The following LOC400499 variants were observed in gnomAD, a reference collection of about 807,000 sequenced individuals.
At chr16:11,490,688 G>T in the LOC400499 span, among the ~76,000 whole-genome samples, 4 of 152,180 alleles carry the variant, frequency 2.6e-5, no homozygotes, top group African/African-American at 9.7e-5. Flanking sequence ...GTGACAGAGC[G>T]AGACTCCGTC....
At chr16:11,504,986 T>C in the LOC400499 span, among the ~76,000 whole-genome samples, 1 of 152,118 alleles carries the variant, frequency 6.6e-6, no homozygotes, top group Non-Finnish European at 1.5e-5. Flanking sequence ...TTTACTATGT[T>C]CCAGCAACTG....
chr16:11,448,544 AAACAAACAAACAAACAAACAAAC>A, the LOC400499 span, among the ~76,000 whole-genome samples: 237 of 148,466 alleles, frequency 1.6e-3, no homozygotes, highest in Non-Finnish European at 2.2e-3. Context: ...ACAAACAAAC[AAACAAACAAACAAACAAACAAAC>A]GTCAGTGATG....
the LOC400499 span, among the ~76,000 whole-genome samples, chr16:11,395,156 G>A: frequency 2.0e-5 from 3 of 152,192 alleles, no homozygotes; most frequent in Non-Finnish European, 2.9e-5. Flanking sequence ...TCTGAGCTCA[G>A]CCCCGCTGGG....
At chr16:11,516,176 T>A in the LOC400499 span, 3 of 399,674 alleles carry the variant, frequency 7.5e-6, no homozygotes, top group African/African-American at 6.2e-5. Flanking sequence ...GGCCCCTGGG[T>A]GGCCCTGCAG....
the LOC400499 span, among the ~76,000 whole-genome samples, chr16:11,513,849 C>T: frequency 2.6e-5 from 4 of 152,116 alleles, no homozygotes; most frequent in African/African-American, 9.7e-5. Flanking sequence ...TAAATCCTTC[C>T]AAAGTCCCAG....
the LOC400499 span, among the ~76,000 whole-genome samples, chr16:11,508,039 G>T: frequency 1.3e-5 from 2 of 152,198 alleles, no homozygotes; most frequent in African/African-American, 4.8e-5. Context: ...GATCTTTGCA[G>T]ATGTAATTAA....
At chr16:11,397,819 G>A in the LOC400499 span, among the ~76,000 whole-genome samples, 58 of 151,484 alleles carry the variant, frequency 3.8e-4, no homozygotes, top group African/African-American at 1.2e-3. Context: ...CGGATGAATG[G>A]ATGCAAGGGA....
At chr16:11,414,026 C>A in the LOC400499 span, among the ~76,000 whole-genome samples, 57,784 of 151,936 alleles carry the variant, frequency 0.38, 11,432 homozygotes, top group Non-Finnish European at 0.45. Flanking sequence ...TTGAAGGGGG[C>A]TGGGCACAGG....
At chr16:11,469,855 G>A in the LOC400499 span, among the ~76,000 whole-genome samples, 9 of 152,148 alleles carry the variant, frequency 5.9e-5, no homozygotes, top group Admixed American at 5.2e-4. Context: ...AAACGGCCAG[G>A]GAGAAGCGGC....
At chr16:11,417,964 A>G in the LOC400499 span, 3 of 397,210 alleles carry the variant, frequency 7.6e-6, no homozygotes, top group Non-Finnish European at 8.9e-6. Context: ...GATGGGAGGA[A>G]CTCAGACCCT....
At chr16:11,395,766 G>A in the LOC400499 span, among the ~76,000 whole-genome samples, 5 of 152,240 alleles carry the variant, frequency 3.3e-5, no homozygotes, top group Non-Finnish European at 5.9e-5. Context: ...CACCTGGCCA[G>A]GGAGACAGAG....
chr16:11,397,690 C>CCTAAATATATG, the LOC400499 span, among the ~76,000 whole-genome samples: 4 of 147,916 alleles, frequency 2.7e-5, no homozygotes, highest in African/African-American at 4.9e-5. Context: ...GTTCATAAAG[C>CCTAAATATATG]CTAAAATATA....
chr16:11,467,973 G>C, the LOC400499 span, among the ~76,000 whole-genome samples: 2 of 152,116 alleles, frequency 1.3e-5, no homozygotes, highest in African/African-American at 4.8e-5. Context: ...CCTACAAAGG[G>C]AAGACTATGG....
chr16:11,514,565 G>C, the LOC400499 span: 12 of 399,906 alleles, frequency 3.0e-5, no homozygotes, highest in African/African-American at 1.9e-4. Flanking sequence ...GGAAGGGACA[G>C]CTCAGGCCAG....
the LOC400499 span, among the ~76,000 whole-genome samples, chr16:11,525,379 A>G: frequency 6.6e-5 from 10 of 151,914 alleles, no homozygotes; most frequent in African/African-American, 2.4e-4. Context: ...TTTTGTTTAC[A>G]CCCTTTAAAA....
At chr16:11,392,842 T>A in the LOC400499 span, 1 of 975,670 alleles carries the variant, frequency 1.0e-6, no homozygotes, top group African/African-American at 1.8e-5. Context: ...CCCACCAGGT[T>A]TTTTCGTTTT....
At chr16:11,422,979 C>A in the LOC400499 span, among the ~76,000 whole-genome samples, 1 of 151,954 alleles carries the variant, frequency 6.6e-6, no homozygotes, top group Non-Finnish European at 1.5e-5. Context: ...GAGCTGATGC[C>A]CCTGGGAACT....
the LOC400499 span, chr16:11,488,880 C>T: frequency 1.5e-5 from 6 of 398,666 alleles, no homozygotes; most frequent in Non-Finnish European, 2.2e-5. Flanking sequence ...GGAATAGAGT[C>T]GTGGGCAGCA....
chr16:11,497,837 A>T, the LOC400499 span, among the ~76,000 whole-genome samples: 50 of 16,998 alleles, frequency 2.9e-3, no homozygotes, highest in Admixed American at 6.1e-3. Context: ...AAATAAATTT[A>T]AAAAAAAAAT....
Sources: gnomAD v4.1 joint callset for allele counts (sites outside exome capture counted in the v4.1 genomes callset) on GRCh38, gnomAD v4.1.1 for gene constraint, MANE v1.5 for transcripts.